The following SLC14A2 variants were observed in gnomAD, a reference collection of about 807,000 sequenced individuals.
SLC14A2 encodes the protein urea transporter 2.
Under a neutral mutation model 104.6 loss-of-function variants are expected in SLC14A2, and 91 were observed. The ratio of observed to expected loss-of-function variants is 0.87; its 90% CI spans 0.73 to 1.04. The LOEUF is 1.04. SLC14A2 is among the 50% of genes least tolerant of loss of function. The pLI is 0.00. For synonymous variants in SLC14A2, 476 were observed against 466.4 expected (o/e 1.02, Z -0.27); for missense variants, 1,189 against 1,156.0 (o/e 1.03, Z -0.41).
intron 2 of SLC14A2, among the ~76,000 whole-genome samples, chr18:45,521,790 C>T (rs1047911754): frequency 1.3e-5 from 2 of 152,020 alleles, no homozygotes; most frequent in Non-Finnish European, 2.9e-5. Context: ...GGAGCTGGCC[C>T]TCATAAATGC....
intron 1 of SLC14A2, among the ~76,000 whole-genome samples, chr18:45,215,507 T>C (rs2084002142): frequency 6.6e-6 from 1 of 152,242 alleles, no homozygotes; most frequent in Non-Finnish European, 1.5e-5. Context: ...AAATCATGAC[T>C]TCCTTGTGAA....
At chr18:45,459,892 T>C (rs529391965) in intron 1 of SLC14A2, among the ~76,000 whole-genome samples, 1 of 152,326 alleles carries the variant, frequency 6.6e-6, no homozygotes, top group African/African-American at 2.4e-5. Flanking sequence ...CTGGAGATGG[T>C]TGCATTCAGC....
intron 1 of SLC14A2, among the ~76,000 whole-genome samples, chr18:45,354,914 T>C (rs1454070020): frequency 6.6e-6 from 1 of 152,224 alleles, no homozygotes; most frequent in Non-Finnish European, 1.5e-5. Context: ...TGACTGCTAA[T>C]TCTATGTTTT....
At chr18:45,352,771 T>G (rs2085515970) in intron 1 of SLC14A2, among the ~76,000 whole-genome samples, 1 of 152,126 alleles carries the variant, frequency 6.6e-6, no homozygotes, top group African/African-American at 2.4e-5. Context: ...TGCTGAGATC[T>G]AAGGTTGAGG....
intron 2 of SLC14A2, among the ~76,000 whole-genome samples, chr18:45,520,249 T>C (rs1188134450): frequency 6.6e-6 from 1 of 152,158 alleles, no homozygotes; most frequent in African/African-American, 2.4e-5. Context: ...GCAGAGCCCA[T>C]CATCAAATAG....
At chr18:45,343,203 T>C (rs921472631) in intron 1 of SLC14A2, among the ~76,000 whole-genome samples, 1 of 148,964 alleles carries the variant, frequency 6.7e-6, no homozygotes, top group African/African-American at 2.5e-5. Flanking sequence ...GGGAAGCTCC[T>C]CAAAGTTACC....
chr18:45,196,372 G>A, the SLC14A2 span, among the ~76,000 whole-genome samples: 1 of 152,130 alleles, frequency 6.6e-6, no homozygotes, highest in Non-Finnish European at 1.5e-5. Flanking sequence ...AATGTAAAAG[G>A]TGTTTCTTAT....
At chr18:45,535,280 T>C (rs1209123447) in intron 2 of SLC14A2, among the ~76,000 whole-genome samples, 1 of 152,226 alleles carries the variant, frequency 6.6e-6, no homozygotes, top group Non-Finnish European at 1.5e-5. Flanking sequence ...CGTACCTCCA[T>C]CATTTCTGAC....
At chr18:45,429,545 A>T (rs928068338) in intron 1 of SLC14A2, among the ~76,000 whole-genome samples, 1 of 152,200 alleles carries the variant, frequency 6.6e-6, no homozygotes, top group Admixed American at 6.5e-5. Flanking sequence ...CTGTTGTCAA[A>T]TAACTGTGAT....
intron 17 of SLC14A2, among the ~76,000 whole-genome samples, 159 bp from the exon 18 acceptor site, chr18:45,673,524 T>A (rs1369616178): frequency 6.6e-6 from 1 of 152,176 alleles, no homozygotes; most frequent in African/African-American, 2.4e-5. Context: ...TTTGTTTCCT[T>A]TAGATGTTTT....
chr18:45,519,423 GCC>G (rs1227619366), intron 2 of SLC14A2, among the ~76,000 whole-genome samples: 6 of 152,144 alleles, frequency 3.9e-5, no homozygotes, highest in Non-Finnish European at 1.5e-5. Context: ...TTCTTTATCT[GCC>G]CATTCACAGA....
At chr18:45,352,726 G>A (rs2144310013) in intron 1 of SLC14A2, among the ~76,000 whole-genome samples, 1 of 152,268 alleles carries the variant, frequency 6.6e-6, no homozygotes. Flanking sequence ...GCTGTGGTGG[G>A]GACAGAGCAA....
chr18:45,343,103 TAGTC>T (rs2085412675), intron 1 of SLC14A2, among the ~76,000 whole-genome samples: 2 of 151,736 alleles, frequency 1.3e-5, no homozygotes, highest in Non-Finnish European at 2.9e-5. Context: ...CTACCTGAGT[TAGTC>T]CTATCCATGC....
At chr18:45,600,161 T>C (rs1304796201) in intron 2 of SLC14A2, among the ~76,000 whole-genome samples, 3 of 152,112 alleles carry the variant, frequency 2.0e-5, no homozygotes, top group Non-Finnish European at 4.4e-5. Flanking sequence ...TAAGAGGCAG[T>C]TAAAGATACT....
In SLC14A2 at chr18:45,544,879, G is replaced by A. The variant is rs1173542516; in HGVS notation, c.-35+61557G>A. Among the ~76,000 whole-genome samples, 6 of 134,208 alleles carry A rather than the reference G, an allele frequency of 4.5e-5. No homozygotes were observed. In the South Asian group the frequency reaches 8.0e-4, roughly 18 times the overall value. 88.0% of individuals were successfully genotyped at this position (134,208 alleles called of 152,430 possible). On this transcript the variant is annotated intron_variant, in intron 2 of 20. Transcript: ENST00000586448. The stretch of plus-strand genomic sequence containing the variant: ...ACAATCGCGGCTCACTGCAACCTCC[G>A]CCCCATGGGTTCAAGTGATTCTCCT...
chr18:45,168,024 C>T, the SLC14A2 span, among the ~76,000 whole-genome samples: 1 of 152,162 alleles, frequency 6.6e-6, no homozygotes, highest in African/African-American at 2.4e-5. Flanking sequence ...CTCGGCATGG[C>T]CAGCTCGACA....
At chr18:45,327,054 C>T (rs2085242434) in intron 1 of SLC14A2, among the ~76,000 whole-genome samples, 1 of 152,108 alleles carries the variant, frequency 6.6e-6, no homozygotes, top group Non-Finnish European at 1.5e-5. Context: ...AGCCAGCCAG[C>T]CAGCCATCTA....
chr18:45,432,747 G>C (rs2144554940), intron 1 of SLC14A2, among the ~76,000 whole-genome samples: 1 of 152,280 alleles, frequency 6.6e-6, no homozygotes, highest in South Asian at 2.1e-4. Flanking sequence ...GTGGATGCCA[G>C]GATAGTCTAG....
intron 1 of SLC14A2, among the ~76,000 whole-genome samples, chr18:45,215,181 A>G (rs1011154471): frequency 7.2e-5 from 11 of 152,312 alleles, no homozygotes; most frequent in Admixed American, 2.6e-4. Flanking sequence ...GTATCTTTAA[A>G]CTAAAATTGC....
Sources: gnomAD v4.1 joint callset for allele counts (sites outside exome capture counted in the v4.1 genomes callset) on GRCh38, gnomAD v4.1.1 for gene constraint, MANE v1.5 for transcripts, NCBI Gene and HGNC (gene_info 2026-07-23, HGNC 2026-07-21) for gene names.